Variants in OPHN1 observed in about 807,000 individuals in gnomAD.
OPHN1 encodes the protein oligophrenin 1, also known as oligophrenin-1.
Under a neutral mutation model 60.7 loss-of-function variants are expected in OPHN1, and 11 were observed. The ratio of observed to expected loss-of-function variants is 0.18; its 90% confidence interval spans 0.11 to 0.30. OPHN1 has a LOEUF of 0.30. OPHN1 is among the 10% of genes least tolerant of loss of function. OPHN1 has a pLI of 1.00. For missense variants in OPHN1, 449 were observed against 611.0 expected (o/e 0.73, Z 2.80); for synonymous variants, 226 against 222.6 (o/e 1.02, Z -0.14).
At chrX:68,350,458 T>TCCTTCCTTCCTC (rs368097031) in intron 2 of OPHN1, among the ~76,000 whole-genome samples, 1,330 of 67,129 alleles carry the variant, frequency 0.02, 49 homozygotes, top group African/African-American at 0.098. Flanking sequence ...CTCCCTCCCT[T>TCCTTCCTTCCTC]CCTTCCTTCC....
chrX:68,221,869 C>CA (rs1054704804), intron 6 of OPHN1, among the ~76,000 whole-genome samples: 1 of 86,265 alleles, frequency 1.2e-5, no homozygotes, highest in Non-Finnish European at 2.3e-5. Flanking sequence ...TAGGCATGGG[C>CA]AAGGACTTCA....
At chrX:68,139,323 AT>A (rs2077233039) in intron 15 of OPHN1, among the ~76,000 whole-genome samples, 1 of 112,011 alleles carries the variant, frequency 8.9e-6, no homozygotes, top group African/African-American at 3.2e-5. Context: ...AAATGGTATT[AT>A]GGCTATATGT....
At chrX:68,153,215 AAAAAAAAAAAAG>A (rs1315494197) in intron 15 of OPHN1, among the ~76,000 whole-genome samples, 1 of 109,351 alleles carries the variant, frequency 9.1e-6, no homozygotes, top group African/African-American at 3.3e-5. Context: ...CATGTCAAAA[AAAAAAAAAAAAG>A]AAAAAAGAAA....
At chrX:68,330,035 C>T (rs1476739232) in intron 2 of OPHN1, among the ~76,000 whole-genome samples, 1 of 111,387 alleles carries the variant, frequency 9.0e-6, no homozygotes, top group Non-Finnish European at 1.9e-5. Context: ...TTCACATCCC[C>T]GTCTGATTTA....
Position 68,063,851 on chromosome X carries a change from T to C in OPHN1, c.2158+3A>G. On this transcript the variant is annotated splice_donor_region_variant and intron_variant, in intron 21 of 24. Coordinates refer to ENST00000355520, the MANE Select transcript of OPHN1 (RefSeq NM_002547.3). ...GGCTCCCATGGGATTCCCAAGCACT[T>C]ACCCTCCTTGTGGTGGGCCAGGGGC... 2.6e-6 allele frequency: 3 copies of C among 1,158,963 alleles called. No homozygotes were observed. The highest frequency in any genetic ancestry group is 3.5e-6 in the Non-Finnish European group (3 of 867,126).
chrX:68,132,102 G>A (rs2077197274), intron 15 of OPHN1, among the ~76,000 whole-genome samples: 1 of 112,021 alleles, frequency 8.9e-6, no homozygotes, highest in Non-Finnish European at 1.9e-5. Flanking sequence ...CATTCAGTCT[G>A]ATATTGGCTG....
chrX:68,098,701 G>A lies in OPHN1; in HGVS notation c.1527-1672C>T, dbSNP rs185931067. ...CAATTAATCTTTATTCTTTAGTGAC[G>A]GAAGTTTTTTTCAGATATTAAAATG... is the stretch of plus-strand genomic sequence containing the variant. On this transcript the variant is annotated intron_variant, in intron 18 of 24. Coordinates refer to ENST00000355520, the MANE Select transcript of OPHN1 (RefSeq NM_002547.3). 4.3e-4 allele frequency among the ~76,000 whole-genome samples: 48 copies of A among 111,302 alleles called. 1 individual carries two copies. The highest frequency in any genetic ancestry group is 7.2e-4 in the Non-Finnish European group (38 of 53,021).
chrX:68,415,295 T>A (rs1166570466), intron 2 of OPHN1, among the ~76,000 whole-genome samples: 2 of 112,300 alleles, frequency 1.8e-5, no homozygotes, highest in African/African-American at 6.5e-5. Context: ...CCATATTTTT[T>A]AAATCTGTAT....
chrX:68,055,798 C>T (rs758571265), intron 21 of OPHN1, among the ~76,000 whole-genome samples: 11 of 111,853 alleles, frequency 9.8e-5, no homozygotes, highest in Non-Finnish European at 2.1e-4. Flanking sequence ...TTCTTGTCCT[C>T]TGTAGGGACA....
At chrX:68,380,266 G>A (rs1232939384) in intron 2 of OPHN1, among the ~76,000 whole-genome samples, 7 of 111,075 alleles carry the variant, frequency 6.3e-5, no homozygotes, top group East Asian at 2.8e-4. Flanking sequence ...CTGTGGGATC[G>A]GTGGTGACAT....
chrX:68,092,133 C>T (rs960559231), intron 19 of OPHN1, among the ~76,000 whole-genome samples: 1 of 111,223 alleles, frequency 9.0e-6, no homozygotes, highest in Non-Finnish European at 1.9e-5. Context: ...AAACTTAAAA[C>T]CAATGTGTTT....
chrX:68,398,809 C>T (rs112873623), intron 2 of OPHN1, among the ~76,000 whole-genome samples: 66,790 of 108,824 alleles, frequency 0.61, 18,172 homozygotes, highest in East Asian at 0.87. Context: ...ATTAGCCAGG[C>T]GTAGTGGTGG....
At chrX:68,371,270 T>C (rs759094356) in intron 2 of OPHN1, among the ~76,000 whole-genome samples, 3 of 107,747 alleles carry the variant, frequency 2.8e-5, no homozygotes, top group Non-Finnish European at 5.7e-5. Context: ...CAGGCTGGAG[T>C]GCAGTGGCGT....
At chrX:68,192,845 C>T in intron 15 of OPHN1, 74 bp downstream of exon 15, 1 of 854,638 alleles carries the variant, frequency 1.2e-6, no homozygotes, top group Non-Finnish European at 1.7e-6. Context: ...GCAGTGTCTC[C>T]TTTCTCTTCC....
intron 19 of OPHN1, among the ~76,000 whole-genome samples, chrX:68,084,124 A>T (rs1346945346): frequency 1.2e-4 from 13 of 110,340 alleles, no homozygotes; most frequent in African/African-American, 4.0e-4. Flanking sequence ...CCAACATTCA[A>T]ATTGTTTTTA....
At chrX:68,264,002 T>A (rs1042527747) in intron 5 of OPHN1, among the ~76,000 whole-genome samples, 19 of 111,768 alleles carry the variant, frequency 1.7e-4, no homozygotes, top group Non-Finnish European at 3.4e-4. Context: ...AAATATTTAG[T>A]TAATTACCCT....
chrX:68,114,436 AC>A (rs1423748660), intron 16 of OPHN1, among the ~76,000 whole-genome samples: 1 of 110,777 alleles, frequency 9.0e-6, no homozygotes, highest in Non-Finnish European at 1.9e-5. Context: ...CACTGTTGTT[AC>A]TGTAGTAATC....
At chrX:68,049,279 A>T (rs1359309186) in intron 23 of OPHN1, among the ~76,000 whole-genome samples, 1 of 112,152 alleles carries the variant, frequency 8.9e-6, no homozygotes, top group African/African-American at 3.2e-5. Context: ...AAGTGTCTTT[A>T]AAAAATTTGT....
intron 19 of OPHN1, among the ~76,000 whole-genome samples, chrX:68,088,930 G>C (rs1387522707): frequency 9.0e-6 from 1 of 110,666 alleles, no homozygotes; most frequent in East Asian, 2.8e-4. Flanking sequence ...CTCACTCTAG[G>C]GATATCTGAA....
Sources: gnomAD v4.1 joint callset for allele counts (sites outside exome capture counted in the v4.1 genomes callset) on GRCh38, gnomAD v4.1.1 for gene constraint, MANE v1.5 for transcripts, NCBI Gene and HGNC (gene_info 2026-07-23, HGNC 2026-07-21) for gene names.